The following SKAP1 variants were observed in gnomAD, a reference collection of about 807,000 sequenced individuals.
SKAP1 encodes the protein src kinase associated phosphoprotein 1.
A neutral mutation model predicts 58.5 loss-of-function variants in SKAP1; 44 were observed. The ratio of observed to expected loss-of-function variants is 0.75; its 90% CI spans 0.59 to 0.97. The LOEUF is 0.97. Ranked by LOEUF, SKAP1 falls within the 50% of genes least tolerant of loss-of-function variation. The pLI is 0.00. For missense variants in SKAP1, 390 were observed against 435.2 expected (o/e 0.90, Z 0.92); for synonymous variants, 127 against 149.7 (o/e 0.85, Z 1.11).
chr17:48,169,604 G>A (rs529869441), intron 10 of SKAP1, among the ~76,000 whole-genome samples: 3 of 152,288 alleles, frequency 2.0e-5, no homozygotes, highest in Non-Finnish European at 2.9e-5. Context: ...CTGCATCTTC[G>A]TTGTCTCTTC....
chr17:48,321,362 T>C (rs1244324119), intron 4 of SKAP1, among the ~76,000 whole-genome samples: 2 of 137,058 alleles, frequency 1.5e-5, no homozygotes, highest in African/African-American at 6.1e-5. Context: ...TTATTATTAT[T>C]ATTATTATTA....
chr17:48,146,772 G>T (rs1399791836), intron 11 of SKAP1, among the ~76,000 whole-genome samples: 2 of 152,026 alleles, frequency 1.3e-5, no homozygotes, highest in Non-Finnish European at 2.9e-5. Flanking sequence ...GAGATTACAG[G>T]CACCCGCCAC....
At chr17:48,154,418 G>T (rs35371915) in intron 11 of SKAP1, among the ~76,000 whole-genome samples, 34,376 of 152,070 alleles carry the variant, frequency 0.23, 4,171 homozygotes, top group South Asian at 0.33. Context: ...TGGTGTGTCT[G>T]GGCCATGAGA....
intron 4 of SKAP1, among the ~76,000 whole-genome samples, chr17:48,233,990 G>A (rs376677744): frequency 2.0e-5 from 3 of 152,200 alleles, no homozygotes; most frequent in African/African-American, 7.2e-5. Context: ...AAGGTTTAAG[G>A]GCATTTATCT....
chr17:48,281,179 C>A (rs1454651398), intron 4 of SKAP1, among the ~76,000 whole-genome samples: 1 of 152,158 alleles, frequency 6.6e-6, no homozygotes, highest in Non-Finnish European at 1.5e-5. Flanking sequence ...GCACATGCCA[C>A]CATGCCCGGC....
intron 4 of SKAP1, among the ~76,000 whole-genome samples, chr17:48,204,985 CTT>C (rs1246678466): frequency 1.3e-4 from 7 of 53,420 alleles, no homozygotes; most frequent in African/African-American, 4.6e-4. Context: ...TTCTTTCTTT[CTT>C]TCTTTCTTTC....
intron 4 of SKAP1, among the ~76,000 whole-genome samples, chr17:48,271,233 T>C (rs1598493474): frequency 6.6e-6 from 1 of 152,088 alleles, no homozygotes; most frequent in Admixed American, 6.6e-5. Context: ...ATTTCTATTA[T>C]AACCATATTA....
intron 2 of SKAP1, among the ~76,000 whole-genome samples, chr17:48,373,662 C>T (rs2067116136): frequency 6.6e-6 from 1 of 152,110 alleles, no homozygotes; most frequent in South Asian, 2.1e-4. Flanking sequence ...AGGGGATTTC[C>T]TAAACTCTCT....
intron 2 of SKAP1, among the ~76,000 whole-genome samples, chr17:48,387,334 T>C (rs2067289528): frequency 6.6e-6 from 1 of 152,196 alleles, no homozygotes; most frequent in Admixed American, 6.5e-5. Flanking sequence ...TGAACCCTCC[T>C]ATCCCTGTGC....
intron 4 of SKAP1, among the ~76,000 whole-genome samples, chr17:48,279,487 T>C (rs1268961053): frequency 6.6e-6 from 1 of 152,198 alleles, no homozygotes; most frequent in Non-Finnish European, 1.5e-5. Flanking sequence ...AGGAGGACTT[T>C]GCATGTTAAA....
At chr17:48,230,104 C>A (rs2065110663) in intron 4 of SKAP1, among the ~76,000 whole-genome samples, 1 of 152,108 alleles carries the variant, frequency 6.6e-6, no homozygotes, top group African/African-American at 2.4e-5. Flanking sequence ...GCAGGTCAGG[C>A]ATACTTGTCC....
chr17:48,328,213 G>A lies in SKAP1; in HGVS notation c.280+17692C>T, dbSNP rs866149425. Among the ~76,000 whole-genome samples the A allele has an allele frequency of 7.9e-5, 12 of 152,228 alleles. No individual in the cohort carries two copies. The South Asian group carries it at 1.2e-3, about 16-fold the overall frequency. ...TGAGACTGCTGTGAGGGTTAAATGTGGTGATGCATTTGAACAAGGTTTTTA... is the reference window on the plus strand; with the variant it reads ...TGAGACTGCTGTGAGGGTTAAATGTAGTGATGCATTTGAACAAGGTTTTTA... On this transcript the variant is annotated intron_variant, in intron 4 of 12. Coordinates refer to ENST00000336915, the MANE Select transcript of SKAP1 (RefSeq NM_003726.4).
intron 1 of SKAP1, among the ~76,000 whole-genome samples, chr17:48,401,693 T>C (rs1279820213): frequency 6.6e-6 from 1 of 151,854 alleles, no homozygotes; most frequent in Non-Finnish European, 1.5e-5. Context: ...GTGTAAATCT[T>C]TGGGTCCTTG....
chr17:48,271,359 TTTC>T (rs2065630200), intron 4 of SKAP1, among the ~76,000 whole-genome samples: 1 of 145,750 alleles, frequency 6.9e-6, no homozygotes, highest in African/African-American at 2.5e-5. Context: ...TGTTTCTTTG[TTTC>T]TTTTTTTTTT....
chr17:48,431,682 C>G (rs1314903301), upstream of SKAP1, among the ~76,000 whole-genome samples: 1 of 152,218 alleles, frequency 6.6e-6, no homozygotes, highest in Non-Finnish European at 1.5e-5. Flanking sequence ...CCTCACACAT[C>G]TCCACCTCTG....
chr17:48,403,819 G>T (rs778413294), intron 1 of SKAP1, among the ~76,000 whole-genome samples: 3 of 152,168 alleles, frequency 2.0e-5, no homozygotes, highest in Non-Finnish European at 2.9e-5. Context: ...GGGCACAGTG[G>T]GTAACGCCTG....
At chr17:48,404,441 A>C (rs932980544) in intron 1 of SKAP1, among the ~76,000 whole-genome samples, 6 of 152,172 alleles carry the variant, frequency 3.9e-5, no homozygotes, top group Admixed American at 1.3e-4. Context: ...AAGAAGGGTG[A>C]AACTCTATAG....
At chr17:48,355,853 GA>G (rs1310759325) in intron 3 of SKAP1, among the ~76,000 whole-genome samples, 1 of 150,868 alleles carries the variant, frequency 6.6e-6, no homozygotes, top group Non-Finnish European at 1.5e-5. Flanking sequence ...ACTTTTAAGT[GA>G]TAAGTAAACT....
chr17:48,260,329 A>G (rs2065470883), intron 4 of SKAP1, among the ~76,000 whole-genome samples: 1 of 152,166 alleles, frequency 6.6e-6, no homozygotes, highest in Non-Finnish European at 1.5e-5. Context: ...GTTTATTAGG[A>G]TCTGGTCTTT....
Sources: gnomAD v4.1 joint callset for allele counts (sites outside exome capture counted in the v4.1 genomes callset) on GRCh38, gnomAD v4.1.1 for gene constraint, MANE v1.5 for transcripts, NCBI Gene and HGNC (gene_info 2026-07-23, HGNC 2026-07-21) for gene names.